The following RASD2 variants were observed in gnomAD, a reference collection of about 807,000 sequenced individuals.
RASD2 encodes the protein RASD family member 2.
In RASD2, 7 loss-of-function variants were observed where a neutral mutation model predicts 15.8. The ratio of observed to expected loss-of-function variants is 0.44; its 90% CI spans 0.25 to 0.83. The LOEUF (loss-of-function observed/expected upper bound fraction) is 0.83, where lower values mean the gene tolerates loss of function less well. Ranked by LOEUF, RASD2 falls within the 40% of genes least tolerant of loss-of-function variation. The probability of loss-of-function intolerance (pLI) is 0.20; values close to 1 mark genes in which losing one functional copy is unlikely to be tolerated. For missense variants in RASD2, 274 were observed against 382.8 expected (o/e 0.72, Z 2.37); for synonymous variants, 155 against 153.6 (o/e 1.01, Z -0.07).
Position 35,546,878 on chromosome 22 carries a change from G to A in RASD2, c.69G>A (p.Val23=), listed in dbSNP as rs1308933321. The change falls in exon 2 of 3, where the codon GTG becomes GTA. Residue 23 remains valine, a synonymous_variant. Coordinates refer to ENST00000216127, the MANE Select transcript of RASD2 (RefSeq NM_014310.4). ...CCGCCAAAAACTCATACCGCATGGTGGTGCTGGGTGCCTCTCGGGTGGGCA... is the reference window on the plus strand; with the variant it reads ...CCGCCAAAAACTCATACCGCATGGTAGTGCTGGGTGCCTCTCGGGTGGGCA... ...SVPAKNSYRM[V]VLGASRVGKS... is the part of the protein sequence containing the mutation. 1.2e-6 allele frequency: 2 copies of A among 1,613,632 alleles called. No homozygotes were observed. Among genetic ancestry groups the A allele is most frequent in the African/African-American group, 2.7e-5 (2 of 74,918 alleles).
In RASD2 at chr22:35,553,223, C is replaced by T. The variant is rs1292180134; in HGVS notation, c.*1191C>T. On this transcript the variant is annotated 3_prime_UTR_variant, in exon 3 of 3. Transcript: ENST00000216127. Reference sequence around the variant, plus strand: ...CCCGCCCCTGCTGCCCCACCACCTTCTGCACACACAGCGGTGGGGAGGCGG... The same window carrying T: ...CCCGCCCCTGCTGCCCCACCACCTTTTGCACACACAGCGGTGGGGAGGCGG... The T allele has an allele frequency of 6.6e-6, 1 of 152,444 alleles. No homozygotes were observed. Among genetic ancestry groups the T allele is most frequent in the Non-Finnish European group, 1.5e-5 (1 of 68,124 alleles). 9.4% of individuals were successfully genotyped at this position (152,444 alleles called of 1,614,324 possible).
In RASD2 at chr22:35,552,376, T is replaced by TC. The variant is rs1934694637; in HGVS notation, c.*346dup. On this transcript the variant is annotated 3_prime_UTR_variant, in exon 3 of 3. Transcript: ENST00000216127. ...GAGGATTGCTGCGTCATATGGAGCC[T>TC]CCTGGGACAAGCCTCAGGATGAAAA... 1 of 296,850 alleles carries TC rather than the reference T, an allele frequency of 3.4e-6. No individual in the cohort carries two copies. Among genetic ancestry groups the TC allele is most frequent in the Non-Finnish European group, 6.3e-6 (1 of 158,596 alleles). 18.4% of individuals were successfully genotyped at this position (296,850 alleles called of 1,614,324 possible).
upstream of RASD2, among the ~76,000 whole-genome samples, chr22:35,540,241 G>T (rs1934306458): frequency 6.6e-6 from 1 of 152,126 alleles, no homozygotes; most frequent in South Asian, 2.1e-4. Flanking sequence ...GGTCACCTGC[G>T]GCCAGGCCGG....
rs1601810523 is a variant in RASD2 at position 35,542,251 on chromosome 22, C to T, written c.-10+751C>T. ...AGATGGGGTCCCTGCAAGACCTGCG[C>T]CTGCATTCCAGTCCAGCCTCACCAG... is the stretch of plus-strand genomic sequence containing the variant. On this transcript the variant is annotated intron_variant, in intron 1 of 2. Coordinates refer to ENST00000216127, the MANE Select transcript of RASD2 (RefSeq NM_014310.4). 2.0e-5 allele frequency among the ~76,000 whole-genome samples: 3 copies of T among 152,332 alleles called. 1 individual carries two copies. The highest frequency in any genetic ancestry group is 4.1e-4 in the South Asian group (2 of 4,828).
intron 1 of RASD2, among the ~76,000 whole-genome samples, chr22:35,544,701 G>A (rs1171743274): frequency 1.3e-5 from 2 of 152,182 alleles, no homozygotes; most frequent in African/African-American, 4.8e-5. Flanking sequence ...AGCTAGTCAC[G>A]TAGCCTTCTG....
chr22:35,547,131 C>A (rs745938925), intron 2 of RASD2, 51 bp downstream of exon 2: 8 of 1,558,960 alleles, frequency 5.1e-6, no homozygotes, highest in Non-Finnish European at 6.1e-6. Context: ...GGCATGGGTG[C>A]GGAGTGTGCT....
intron 2 of RASD2, among the ~76,000 whole-genome samples, chr22:35,548,766 GA>G (rs1934580955): frequency 6.6e-6 from 1 of 152,220 alleles, no homozygotes; most frequent in Non-Finnish European, 1.5e-5. Flanking sequence ...ACCTGTGTTC[GA>G]ATCCTTGCTG....
At chr22:35,535,398 T>C in the RASD2 span, among the ~76,000 whole-genome samples, 2 of 143,132 alleles carry the variant, frequency 1.4e-5, no homozygotes, top group Admixed American at 1.4e-4. Context: ...AGCAAGACCC[T>C]GTCTCCAAAA....
chr22:35,550,656 A>G (rs1934638634), intron 2 of RASD2, among the ~76,000 whole-genome samples: 1 of 152,062 alleles, frequency 6.6e-6, no homozygotes, highest in African/African-American at 2.4e-5. Context: ...TCACTTTTTC[A>G]TCCTATGATT....
At chr22:35,539,943 G>A (rs150820251), upstream of RASD2, among the ~76,000 whole-genome samples, 2,525 of 152,312 alleles carry the variant, frequency 0.017, 36 homozygotes, top group Non-Finnish European at 0.025. Flanking sequence ...CCCGTCGGCC[G>A]TGGTCTCTGA....
At position 35,552,047 on chromosome 22, in the gene RASD2, G is replaced by C. The variant is rs540432518; in HGVS notation, c.*15G>C. 6.3e-7 allele frequency: 1 copy of C among 1,586,672 alleles called. No individual in the cohort carries two copies. Among genetic ancestry groups the C allele is most frequent in the South Asian group, 1.1e-5 (1 of 90,054 alleles). ...CCATCCAGTGAGCGAGGGATGCTGG[G>C]GCGGGGCTTGGCCAGTGCCTTCAGG... On this transcript the variant is annotated 3_prime_UTR_variant, in exon 3 of 3. Coordinates refer to ENST00000216127, the MANE Select transcript of RASD2 (RefSeq NM_014310.4).
chr22:35,534,865 C>A, the RASD2 span, among the ~76,000 whole-genome samples: 64 of 152,256 alleles, frequency 4.2e-4, no homozygotes, highest in African/African-American at 1.4e-3. Flanking sequence ...CTGGAAGGCA[C>A]CTGAATCACC....
chr22:35,544,830 A>G (rs1002705016), intron 1 of RASD2, among the ~76,000 whole-genome samples: 4 of 152,346 alleles, frequency 2.6e-5, no homozygotes, highest in African/African-American at 9.6e-5. Context: ...ATTGGAGAAT[A>G]ACACCACCTG....
intron 2 of RASD2, 28 bp downstream of exon 2, chr22:35,547,108 G>T: frequency 6.2e-7 from 1 of 1,600,026 alleles, no homozygotes; most frequent in Non-Finnish European, 8.5e-7. Context: ...CTGGGCTGGG[G>T]CGGCAGGGCC....
At position 35,547,677 on chromosome 22, in the gene RASD2, C is replaced by T. The variant is rs535527491; in HGVS notation, c.271+597C>T. Among the ~76,000 whole-genome samples the T allele has an allele frequency of 1.5e-3, 224 of 152,230 alleles. 4 individuals carry two copies. Among genetic ancestry groups the T allele is most frequent in the Non-Finnish European group, 5.3e-4 (36 of 68,008 alleles). ...TCACCCAGGCTGGAGTGCAGTGGCG[C>T]GATCTCGGCTCACTGCAACCTCTGC... is the stretch of plus-strand genomic sequence containing the variant. On this transcript the variant is annotated intron_variant, in intron 2 of 2. Transcript: ENST00000216127.
At chr22:35,533,520 G>T in the RASD2 span, among the ~76,000 whole-genome samples, 1 of 151,824 alleles carries the variant, frequency 6.6e-6, no homozygotes, top group Non-Finnish European at 1.5e-5. Context: ...GGTGATGATG[G>T]TAATAATGAT....
intron 1 of RASD2, among the ~76,000 whole-genome samples, chr22:35,545,615 T>G (rs1258314051): frequency 6.6e-6 from 1 of 151,970 alleles, no homozygotes; most frequent in African/African-American, 2.4e-5. Flanking sequence ...GCTGGAAAGC[T>G]CTCCTCTGGA....
chr22:35,533,412 TA>T, the RASD2 span, among the ~76,000 whole-genome samples: 1 of 152,170 alleles, frequency 6.6e-6, no homozygotes, highest in Admixed American at 6.5e-5. Flanking sequence ...AATAAACACC[TA>T]AAAAGGAGCA....
At chr22:35,546,767 G>A (rs1319116200) in intron 1 of RASD2, 34 bp from the exon 2 acceptor site, 18 of 1,598,734 alleles carry the variant, frequency 1.1e-5, no homozygotes, top group East Asian at 2.2e-5. Flanking sequence ...AGGTCGGGGG[G>A]GCCCTGATGC....
Sources: gnomAD v4.1 joint callset for allele counts (sites outside exome capture counted in the v4.1 genomes callset) on GRCh38, gnomAD v4.1.1 for gene constraint, MANE v1.5 for transcripts, NCBI Gene and HGNC (gene_info 2026-07-23, HGNC 2026-07-21) for gene names.